The following SPOCK3 variants were observed in gnomAD, a reference collection of about 807,000 sequenced individuals.
SPOCK3 encodes the protein testican-3.
SPOCK3 carries 30 observed loss-of-function variants against 56.6 expected under a neutral mutation model. The ratio of observed to expected loss-of-function variants is 0.53; its 90% CI spans 0.40 to 0.72. SPOCK3 has a LOEUF of 0.72. Ranked by LOEUF, SPOCK3 falls within the 30% of genes least tolerant of loss-of-function variation. The pLI is 0.00. For missense variants in SPOCK3, 527 were observed against 530.0 expected (o/e 0.99, Z 0.06); for synonymous variants, 196 against 183.3 (o/e 1.07, Z -0.56).
chr4:167,063,067 T>G (rs543400328), intron 2 of SPOCK3, among the ~76,000 whole-genome samples: 1 of 151,828 alleles, frequency 6.6e-6, no homozygotes, highest in Non-Finnish European at 1.5e-5. Context: ...ATCATTCTCT[T>G]GCTAATCGAA....
chr4:167,219,104 A>G (rs1735646672), intron 2 of SPOCK3, among the ~76,000 whole-genome samples: 1 of 152,182 alleles, frequency 6.6e-6, no homozygotes, highest in Non-Finnish European at 1.5e-5. Context: ...ACAATGTTCT[A>G]GAAAAGTTTT....
chr4:167,011,772 C>T (rs1222160467), intron 3 of SPOCK3, among the ~76,000 whole-genome samples: 1 of 152,032 alleles, frequency 6.6e-6, no homozygotes, highest in Non-Finnish European at 1.5e-5. Context: ...TGAATTCAGT[C>T]TCTTTTGGAG....
chr4:166,873,717 A>G (rs1330425744), intron 6 of SPOCK3, among the ~76,000 whole-genome samples: 1 of 152,152 alleles, frequency 6.6e-6, no homozygotes, highest in Non-Finnish European at 1.5e-5. Context: ...TTGATTCCTG[A>G]CCAATAAATT....
At chr4:167,118,568 T>C (rs1348395617) in intron 2 of SPOCK3, among the ~76,000 whole-genome samples, 1 of 152,196 alleles carries the variant, frequency 6.6e-6, no homozygotes, top group Non-Finnish European at 1.5e-5. Flanking sequence ...TGATTGCTTA[T>C]GTAGCATTTT....
chr4:166,884,001 T>C (rs1733939031), intron 6 of SPOCK3, among the ~76,000 whole-genome samples: 1 of 152,200 alleles, frequency 6.6e-6, no homozygotes, highest in South Asian at 2.1e-4. Context: ...AATGTACATT[T>C]AGACTAGTAA....
chr4:167,035,607 G>C (rs1752678206), intron 3 of SPOCK3, among the ~76,000 whole-genome samples: 1 of 152,028 alleles, frequency 6.6e-6, no homozygotes, highest in Non-Finnish European at 1.5e-5. Flanking sequence ...GTGATAGCAG[G>C]CTGCTGTCTA....
At chr4:167,221,822 G>C (rs1394255194) in intron 2 of SPOCK3, among the ~76,000 whole-genome samples, 1 of 152,042 alleles carries the variant, frequency 6.6e-6, no homozygotes, top group African/African-American at 2.4e-5. Flanking sequence ...GTTAGCAAGG[G>C]TGCAAAAAAA....
In SPOCK3 at chr4:167,042,372, G is replaced by A. The variant is rs1319464757; in HGVS notation, c.235+20120C>T. 2.0e-5 allele frequency among the ~76,000 whole-genome samples: 3 copies of A among 152,126 alleles called. No individual in the cohort carries two copies. The South Asian group carries it at 6.2e-4, about 31-fold the overall frequency. Reference sequence around the variant, plus strand: ...TTAGAGGAACAGAAACAACAAATAGGATATGTTATGTAATTGTTATGTAAT... The same window carrying A: ...TTAGAGGAACAGAAACAACAAATAGAATATGTTATGTAATTGTTATGTAAT... On this transcript the variant is annotated intron_variant, in intron 3 of 10. Transcript: ENST00000357545.
At chr4:167,126,579 C>A (rs1344205707) in intron 2 of SPOCK3, among the ~76,000 whole-genome samples, 1 of 150,634 alleles carries the variant, frequency 6.6e-6, no homozygotes, top group African/African-American at 2.4e-5. Context: ...TCATTGCCAA[C>A]ATATTGATAA....
rs1302401458 is a variant in SPOCK3, at chr4:166,737,493, G to T, written c.1106C>A (p.Ser369Tyr). ...ACAATCTGCAACACCATTTATTCTGGATCCCATGACTTCATTTCCATATCT... is the reference window on the plus strand; with the variant it reads ...ACAATCTGCAACACCATTTATTCTGTATCCCATGACTTCATTTCCATATCT... ...VDRYGNEVMG[S>Y]RINGVADCAI... The change falls in exon 10 of 11, where the codon TCC becomes TAC. Residue 369 changes from serine to tyrosine, a missense_variant. Ser to Tyr is a moderately radical substitution (Grantham distance 144). Coordinates refer to ENST00000357545, the MANE Select transcript of SPOCK3 (RefSeq NM_001040159.2). 6.2e-7 allele frequency: 1 copy of T among 1,612,936 alleles called. No homozygotes were observed. The highest frequency in any genetic ancestry group is 8.5e-7 in the Non-Finnish European group (1 of 1,179,424).
intron 3 of SPOCK3, among the ~76,000 whole-genome samples, chr4:167,006,971 A>C (rs1332259836): frequency 6.6e-6 from 1 of 152,096 alleles, no homozygotes; most frequent in African/African-American, 2.4e-5. Context: ...TTTTCTATAG[A>C]GATTCCTTTC....
chr4:166,980,888 C>T (rs2262359), intron 4 of SPOCK3, among the ~76,000 whole-genome samples: 62,664 of 152,018 alleles, frequency 0.41, 14,445 homozygotes, highest in East Asian at 0.66. Flanking sequence ...GCTCTTCTCT[C>T]CTTCCTGTCA....
At chr4:167,219,037 A>G (rs1735640005) in intron 2 of SPOCK3, among the ~76,000 whole-genome samples, 1 of 152,160 alleles carries the variant, frequency 6.6e-6, no homozygotes, top group African/African-American at 2.4e-5. Flanking sequence ...ACTCCAAAAA[A>G]ATATATTTTA....
intron 6 of SPOCK3, among the ~76,000 whole-genome samples, chr4:166,818,061 T>C (rs1167605393): frequency 6.6e-6 from 1 of 152,098 alleles, no homozygotes; most frequent in East Asian, 1.9e-4. Flanking sequence ...TACACACTTA[T>C]CACTTTTGTC....
At chr4:166,851,254 G>A (rs1038230758) in intron 6 of SPOCK3, among the ~76,000 whole-genome samples, 28 of 152,108 alleles carry the variant, frequency 1.8e-4, no homozygotes, top group Non-Finnish European at 3.4e-4. Flanking sequence ...TGCAGCTGAG[G>A]GTCCTGTCTG....
At chr4:167,140,879 A>T (rs1396665405) in intron 2 of SPOCK3, among the ~76,000 whole-genome samples, 1 of 152,048 alleles carries the variant, frequency 6.6e-6, no homozygotes, top group African/African-American at 2.4e-5. Context: ...CTATTTAAGC[A>T]TCAACAATCT....
At position 166,735,089 on chromosome 4, in the gene SPOCK3, A is replaced by C. The variant is rs746200032; in HGVS notation, c.1134T>G (p.Ala378=). The C allele has an allele frequency of 2.2e-5, 35 of 1,588,490 alleles. No homozygotes were observed. The highest frequency in any genetic ancestry group is 2.8e-5 in the Non-Finnish European group (33 of 1,165,666). ...GSRINGVADC[A]IDFEISGDFA... ...AATCTCCGGAGATCTCAAAATCTAT[A>C]GCTTAAAACAAGTGAAAGTAAACAT... Residue 378 remains alanine (A), a splice_region_variant and synonymous_variant, in exon 11 of 11, where the codon GCT becomes GCG. Transcript: ENST00000357545.
chr4:167,006,783 C>T (rs1158151701), intron 3 of SPOCK3, among the ~76,000 whole-genome samples: 2 of 152,132 alleles, frequency 1.3e-5, no homozygotes, highest in Non-Finnish European at 2.9e-5. Flanking sequence ...AATTCCGCCT[C>T]TTTTCCCAGG....
chr4:166,913,107 C>T (rs759092638), intron 4 of SPOCK3, among the ~76,000 whole-genome samples: 10 of 152,114 alleles, frequency 6.6e-5, no homozygotes, highest in Non-Finnish European at 1.5e-4. Flanking sequence ...TCCTCATGTT[C>T]CATTAGGAAC....
Sources: allele counts gnomAD v4.1 joint callset (sites outside exome capture counted in the v4.1 genomes callset), GRCh38; gene constraint gnomAD v4.1.1; transcripts MANE v1.5; gene names NCBI Gene and HGNC (gene_info 2026-07-23, HGNC 2026-07-21).